Variants in HEMK2 observed in about 807,000 individuals in gnomAD.
The protein encoded by HEMK2 is HemK methyltransferase 2, ETF1 glutamine and histone H4 lysine.
chr21:28,884,068 T>A, the HEMK2 span, among the ~76,000 whole-genome samples: 3 of 152,174 alleles, frequency 2.0e-5, no homozygotes, highest in Non-Finnish European at 2.9e-5. Context: ...TAGGTGGTAG[T>A]AAGGTCTGAG....
the HEMK2 span, among the ~76,000 whole-genome samples, chr21:28,834,193 G>A: frequency 1.3e-5 from 2 of 152,216 alleles, no homozygotes; most frequent in African/African-American, 4.8e-5. Flanking sequence ...AGACAGAGCA[G>A]TGTGCAAGGT....
At chr21:28,702,702 C>T in the HEMK2 span, among the ~76,000 whole-genome samples, 1 of 152,168 alleles carries the variant, frequency 6.6e-6, no homozygotes, top group Non-Finnish European at 1.5e-5. Context: ...CACTTATACA[C>T]AGCTGGTGGG....
the HEMK2 span, among the ~76,000 whole-genome samples, chr21:28,733,076 A>G: frequency 3.9e-5 from 6 of 152,136 alleles, no homozygotes; most frequent in South Asian, 1.2e-3. Context: ...TCAGGAGATC[A>G]AGACCATCCT....
At chr21:28,783,755 G>A in the HEMK2 span, among the ~76,000 whole-genome samples, 1 of 152,156 alleles carries the variant, frequency 6.6e-6, no homozygotes, top group Non-Finnish European at 1.5e-5. Flanking sequence ...GAGGTGTAGA[G>A]GGAGCAGCGC....
the HEMK2 span, among the ~76,000 whole-genome samples, chr21:28,593,384 A>G: frequency 2.0e-5 from 3 of 152,216 alleles, no homozygotes; most frequent in African/African-American, 7.2e-5. Context: ...TTCAGATAAG[A>G]TACTCAACCT....
the HEMK2 span, among the ~76,000 whole-genome samples, chr21:28,770,247 T>C: frequency 6.6e-6 from 1 of 152,174 alleles, no homozygotes; most frequent in South Asian, 2.1e-4. Flanking sequence ...CCTCAACAGG[T>C]CACCGTGTTA....
At chr21:28,603,239 T>C in the HEMK2 span, among the ~76,000 whole-genome samples, 1 of 152,186 alleles carries the variant, frequency 6.6e-6, no homozygotes, top group Non-Finnish European at 1.5e-5. Context: ...ATTTCCCTAA[T>C]AAATCATTTG....
chr21:28,631,040 C>T, the HEMK2 span, among the ~76,000 whole-genome samples: 1 of 152,046 alleles, frequency 6.6e-6, no homozygotes, highest in African/African-American at 2.4e-5. Flanking sequence ...ATGAATCTCC[C>T]CAAACAAAGT....
At chr21:28,872,176 G>A in the HEMK2 span, 26,079 of 151,958 alleles carry the variant, frequency 0.17, 2,298 homozygotes, top group South Asian at 0.23. Flanking sequence ...AATTAGGCAC[G>A]CGTACACACT....
chr21:28,882,898 T>C, the HEMK2 span: 14 of 905,818 alleles, frequency 1.5e-5, no homozygotes, highest in African/African-American at 1.7e-5. Context: ...TACTATAAGA[T>C]ACATACTGTC....
At chr21:28,684,722 T>C in the HEMK2 span, among the ~76,000 whole-genome samples, 16 of 152,178 alleles carry the variant, frequency 1.1e-4, no homozygotes, top group African/African-American at 2.4e-4. Flanking sequence ...ATCCCACCCA[T>C]AGTACTTGGG....
At chr21:28,625,526 C>G in the HEMK2 span, among the ~76,000 whole-genome samples, 3 of 152,174 alleles carry the variant, frequency 2.0e-5, no homozygotes, top group East Asian at 5.8e-4. Flanking sequence ...TCGAGACCAG[C>G]CTGACCAACA....
the HEMK2 span, among the ~76,000 whole-genome samples, chr21:28,705,548 G>A: frequency 2.6e-5 from 4 of 152,128 alleles, no homozygotes; most frequent in East Asian, 3.8e-4. Flanking sequence ...ACACAATACT[G>A]TACTTGAGAG....
the HEMK2 span, among the ~76,000 whole-genome samples, chr21:28,618,264 T>C: frequency 6.6e-6 from 1 of 152,204 alleles, no homozygotes; most frequent in Non-Finnish European, 1.5e-5. Context: ...TCTGTGACCT[T>C]ACTTTTCAAA....
chr21:28,801,076 A>G, the HEMK2 span, among the ~76,000 whole-genome samples: 2 of 152,254 alleles, frequency 1.3e-5, no homozygotes, highest in Non-Finnish European at 2.9e-5. Context: ...ACACTGTGGA[A>G]GAAACAGGGC....
At chr21:28,730,156 T>C in the HEMK2 span, among the ~76,000 whole-genome samples, 150 of 151,828 alleles carry the variant, frequency 9.9e-4, no homozygotes, top group African/African-American at 3.5e-3. Flanking sequence ...GGCGGGAGGA[T>C]CACTTGAGTC....
At chr21:28,775,971 T>A in the HEMK2 span, among the ~76,000 whole-genome samples, 1 of 146,642 alleles carries the variant, frequency 6.8e-6, no homozygotes, top group East Asian at 2.0e-4. Context: ...GAGGTGAGGG[T>A]AAAAAAAAAA....
chr21:28,884,696 A>C, the HEMK2 span, among the ~76,000 whole-genome samples: 1 of 152,200 alleles, frequency 6.6e-6, no homozygotes, highest in Non-Finnish European at 1.5e-5. Flanking sequence ...GCCACATGTG[A>C]GGACTGGCTG....
chr21:28,858,185 G>A, the HEMK2 span, among the ~76,000 whole-genome samples: 3 of 152,210 alleles, frequency 2.0e-5, no homozygotes, highest in Admixed American at 2.0e-4. Context: ...CTTGTACATA[G>A]CAAATAGCTA....
Sources: allele counts gnomAD v4.1 joint callset (sites outside exome capture counted in the v4.1 genomes callset), GRCh38; gene constraint gnomAD v4.1.1; transcripts MANE v1.5; gene names NCBI Gene and HGNC (gene_info 2026-07-23, HGNC 2026-07-21).